The following ARL13B variants were observed in gnomAD, a reference collection of about 807,000 sequenced individuals.
The protein encoded by ARL13B is ARF like GTPase 13B.
In ARL13B, 36 loss-of-function variants were observed where a neutral mutation model predicts 56.1. That is an observed-to-expected ratio of 0.64 (90% confidence interval 0.49 to 0.85). The LOEUF is 0.85. Among genes scored for constraint, ARL13B ranks in the 40% least tolerant of loss-of-function variants. ARL13B has a pLI of 0.00. For missense variants in ARL13B, 519 were observed against 507.1 expected, an observed-to-expected ratio of 1.02 and a Z score of -0.23; for synonymous variants, 178 against 171.1, an observed-to-expected ratio of 1.04 and a Z score of -0.32.
At chr3:94,017,625 GGAA>G (rs2076359794) in intron 3 of ARL13B, among the ~76,000 whole-genome samples, 1 of 152,128 alleles carries the variant, frequency 6.6e-6, no homozygotes, top group African/African-American at 2.4e-5. Context: ...CTGTCCTTGA[GGAA>G]TTTATAATTT....
At chr3:94,052,890 A>G (rs2077088596) in intron 9 of ARL13B, among the ~76,000 whole-genome samples, 1 of 152,172 alleles carries the variant, frequency 6.6e-6, no homozygotes, top group Non-Finnish European at 1.5e-5. Flanking sequence ...AGAGTATAAC[A>G]TAAGGAAGGA....
At chr3:93,986,561 G>C (rs1319263953) in intron 1 of ARL13B, among the ~76,000 whole-genome samples, 2 of 152,088 alleles carry the variant, frequency 1.3e-5, no homozygotes, top group African/African-American at 4.8e-5. Context: ...TTTAGAATTT[G>C]CTTCATGTAG....
At chr3:94,033,851 G>GGAAATATA (rs1425475727) in intron 3 of ARL13B, among the ~76,000 whole-genome samples, 1 of 152,072 alleles carries the variant, frequency 6.6e-6, no homozygotes, top group African/African-American at 2.4e-5. Context: ...ACCAGATACG[G>GGAAATATA]GAAATATAGG....
intron 2 of ARL13B, 32 bp downstream of exon 2, chr3:93,995,976 C>T (rs758170639): frequency 1.3e-6 from 2 of 1,592,014 alleles, no homozygotes; most frequent in Non-Finnish European, 1.7e-6. Context: ...GCTTTCTGAA[C>T]TCTATTAAAT....
chr3:94,029,301 C>CATATATATATATATATATAT (rs1242349606), intron 3 of ARL13B, among the ~76,000 whole-genome samples: 1 of 77,208 alleles, frequency 1.3e-5, no homozygotes, highest in Non-Finnish European at 2.2e-5. Context: ...CTATCAAAAT[C>CATATATATATATATATATAT]ATATATATAT....
chr3:94,040,094 TCTGAGAGATTATTTCTATA>T, intron 6 of ARL13B, 106 bp downstream of exon 6: 1 of 908,746 alleles, frequency 1.1e-6, no homozygotes, highest in South Asian at 1.5e-5. Context: ...ATGTGTTTCT[TCTGAGAGATTATTTCTATA>T]AGAAATTAAA....
At chr3:93,998,730 G>C (rs1195782924) in intron 2 of ARL13B, among the ~76,000 whole-genome samples, 2 of 152,070 alleles carry the variant, frequency 1.3e-5, no homozygotes, top group Non-Finnish European at 2.9e-5. Context: ...TGCTCTTCCT[G>C]ATACCTACTT....
At chr3:94,044,563 CCTGG>C (rs1165003530) in intron 7 of ARL13B, among the ~76,000 whole-genome samples, 6 of 145,848 alleles carry the variant, frequency 4.1e-5, no homozygotes, top group Admixed American at 6.8e-5. Context: ...AGCGCCTCTG[CCTGG>C]CCGCCACCGC....
At chr3:93,988,033 A>G (rs748881664) in intron 1 of ARL13B, among the ~76,000 whole-genome samples, 2 of 152,164 alleles carry the variant, frequency 1.3e-5, no homozygotes, top group African/African-American at 4.8e-5. Context: ...GCCAGTATCT[A>G]CAAGTGTTTG....
At chr3:93,994,528 A>G (rs1317953158) in intron 1 of ARL13B, among the ~76,000 whole-genome samples, 1 of 152,120 alleles carries the variant, frequency 6.6e-6, no homozygotes, top group Non-Finnish European at 1.5e-5. Flanking sequence ...TGTCTCTAAA[A>G]TGTAAGCTTA....
chr3:94,020,256 C>T lies in ARL13B; in HGVS notation c.381-15075C>T, dbSNP rs555836441. Reference sequence around the variant, plus strand: ...TCTTGATATCTTAGATTTACTTGAGCTCTTAATATGTGCCAGGCACTAAGT... The same window carrying T: ...TCTTGATATCTTAGATTTACTTGAGTTCTTAATATGTGCCAGGCACTAAGT... On this transcript the variant is annotated intron_variant, in intron 3 of 9. Coordinates refer to ENST00000394222, the MANE Select transcript of ARL13B (RefSeq NM_001174150.2). Among the ~76,000 whole-genome samples the T allele has an allele frequency of 5.9e-5, 9 of 152,220 alleles. No individual in the cohort carries two copies. The South Asian group carries it at 6.2e-4, about 11-fold the overall frequency.
Position 94,049,499 on chromosome 3 carries a change from C to A in ARL13B, c.1118C>A (p.Thr373Lys), listed in dbSNP as rs369850890. The change falls in exon 8 of 10, where the codon ACG (threonine) becomes AAG (lysine). Residue 373 changes from threonine (T) to lysine (K), a missense_variant. Thr to Lys is a moderately conservative substitution (Grantham distance 78). Transcript: ENST00000394222. The part of the protein sequence containing the change: ...NIDDCAPESP[T>K]PPPPPPPVGW... Reference sequence around the variant, plus strand: ...GATGACTGTGCTCCTGAGAGTCCAACGCCACCCCCACCCCCTCCTCCTGGT... The same window carrying A: ...GATGACTGTGCTCCTGAGAGTCCAAAGCCACCCCCACCCCCTCCTCCTGGT... The A allele has an allele frequency of 1.2e-6, 2 of 1,608,982 alleles. No homozygotes were observed. The highest frequency in any genetic ancestry group is 1.3e-5 in the African/African-American group (1 of 74,566).
chr3:94,007,689 C>G (rs1213385186), intron 3 of ARL13B, among the ~76,000 whole-genome samples: 1 of 152,106 alleles, frequency 6.6e-6, no homozygotes, highest in African/African-American at 2.4e-5. Context: ...CCCACCAGGT[C>G]CCTCCCACAA....
intron 3 of ARL13B, chr3:94,015,186 T>C: frequency 6.2e-7 from 1 of 1,613,756 alleles, no homozygotes; most frequent in Non-Finnish European, 8.5e-7. Context: ...CTTGTTCCTC[T>C]GTTTCTGTAG....
At chr3:94,037,640 A>ATG (rs1266775656) in intron 5 of ARL13B, among the ~76,000 whole-genome samples, 1 of 152,018 alleles carries the variant, frequency 6.6e-6, no homozygotes, top group Non-Finnish European at 1.5e-5. Context: ...TTTTCTTAGT[A>ATG]TGTATTTTTA....
chr3:94,042,957 T>G, intron 6 of ARL13B, 58 bp from the exon 7 acceptor site: 6 of 1,420,780 alleles, frequency 4.2e-6, no homozygotes, highest in Non-Finnish European at 5.8e-6. Context: ...TCCTCTCCCT[T>G]AAAACTATCT....
chr3:94,046,028 T>C (rs1352707850), intron 7 of ARL13B, among the ~76,000 whole-genome samples: 1 of 149,826 alleles, frequency 6.7e-6, no homozygotes, highest in Non-Finnish European at 1.5e-5. Context: ...TAGTATTGAC[T>C]AGAGGATAGA....
intron 2 of ARL13B, 97 bp downstream of exon 2, chr3:93,996,041 G>T: frequency 3.2e-6 from 4 of 1,245,866 alleles, no homozygotes; most frequent in Non-Finnish European, 4.6e-6. Context: ...ATTTGGTACA[G>T]ATACTGTGCA....
chr3:94,019,735 C>T (rs1281318672), intron 3 of ARL13B, among the ~76,000 whole-genome samples: 1 of 152,132 alleles, frequency 6.6e-6, no homozygotes, highest in Non-Finnish European at 1.5e-5. Context: ...ATGACTTCAC[C>T]CCTTCTGTTA....
Sources: gnomAD v4.1 joint callset for allele counts (sites outside exome capture counted in the v4.1 genomes callset) on GRCh38, gnomAD v4.1.1 for gene constraint, MANE v1.5 for transcripts, NCBI Gene and HGNC (gene_info 2026-07-23, HGNC 2026-07-21) for gene names.